Variants in PHF3 observed in about 807,000 individuals in gnomAD.
The protein encoded by PHF3 is PHD finger protein 3.
A neutral mutation model predicts 178.4 loss-of-function variants in PHF3; 41 were observed. The ratio of observed to expected loss-of-function variants is 0.23; its 90% CI spans 0.18 to 0.30. The LOEUF is 0.30. PHF3 is among the 10% of genes least tolerant of loss of function. PHF3 has a pLI of 1.00. For synonymous variants in PHF3, 842 were observed against 800.5 expected, an observed-to-expected ratio of 1.05 and a Z score of -0.88; for missense variants, 2,346 against 2,398.1, an observed-to-expected ratio of 0.98 and a Z score of 0.45.
intron 2 of PHF3, among the ~76,000 whole-genome samples, chr6:63,671,340 A>G (rs1765908152): frequency 6.6e-6 from 1 of 152,234 alleles, no homozygotes; most frequent in African/African-American, 2.4e-5. Context: ...CCTTGCCCTC[A>G]TGGAGCCGGC....
At chr6:63,683,271 A>T (rs1261850016) in intron 3 of PHF3, among the ~76,000 whole-genome samples, 1 of 151,938 alleles carries the variant, frequency 6.6e-6, no homozygotes, top group Non-Finnish European at 1.5e-5. Flanking sequence ...CAGTTCAGTG[A>T]TAAATGACAA....
At chr6:63,664,501 C>T (rs908285975) in intron 2 of PHF3, among the ~76,000 whole-genome samples, 8 of 152,136 alleles carry the variant, frequency 5.3e-5, no homozygotes, top group African/African-American at 1.9e-4. Context: ...TTTGAGTGCA[C>T]ACCAGTATTT....
In PHF3 at chr6:63,713,443, G is replaced by A. The variant is rs753848294; in HGVS notation, c.5855G>A (p.Ser1952Asn). 5 of 1,613,744 alleles carry A rather than the reference G, an allele frequency of 3.1e-6. No individual in the cohort carries two copies. Among genetic ancestry groups the A allele is most frequent in the Non-Finnish European group, 4.2e-6 (5 of 1,179,940 alleles). Residue 1952 changes from serine (S) to asparagine (N), a missense_variant, in exon 16 of 16, where the codon AGC becomes AAC. By Grantham distance (46) the Ser-to-Asn change is conservative (BLOSUM62 1). This residue lies in a region of PHF3 where 839 missense variants were observed against 806.9 expected (regional missense o/e 1.04). Transcript: ENST00000262043. Reference sequence around the variant, plus strand: ...GAAAGGCATAGACGCAGAGACAGAAGCCAAGACAAGGACAGAGACAGAAAA... The same window carrying A: ...GAAAGGCATAGACGCAGAGACAGAAACCAAGACAAGGACAGAGACAGAAAA... ...ESERHRRRDRSQDKDRDRKSR... is the reference protein window; with the variant it reads ...ESERHRRRDRNQDKDRDRKSR...
chr6:63,661,163 G>A (rs910721092), intron 2 of PHF3, among the ~76,000 whole-genome samples: 2 of 152,142 alleles, frequency 1.3e-5, no homozygotes, highest in African/African-American at 4.8e-5. Context: ...ATTCATGGAG[G>A]TTTAGCCATA....
At chr6:63,645,096 C>G (rs1338762388) in intron 1 of PHF3, among the ~76,000 whole-genome samples, 1 of 151,868 alleles carries the variant, frequency 6.6e-6, no homozygotes, top group African/African-American at 2.4e-5. Context: ...GTTGCCTAGG[C>G]TGGTCTCCAA....
chr6:63,648,671 A>G (rs1421890941), intron 2 of PHF3, among the ~76,000 whole-genome samples: 1 of 152,156 alleles, frequency 6.6e-6, no homozygotes, highest in Non-Finnish European at 1.5e-5. Context: ...ATTTTTTGAG[A>G]TACGATTTAT....
chr6:63,639,445 T>A (rs981140049), intron 1 of PHF3, among the ~76,000 whole-genome samples: 9 of 152,318 alleles, frequency 5.9e-5, no homozygotes, highest in African/African-American at 1.9e-4. Context: ...TGTTTTTTTT[T>A]AAATGTGTAG....
intron 2 of PHF3, among the ~76,000 whole-genome samples, chr6:63,647,187 G>A (rs1009076187): frequency 3.9e-5 from 6 of 152,066 alleles, no homozygotes; most frequent in African/African-American, 1.4e-4. Context: ...CCTTAGGCCT[G>A]CTGGAGTCGG....
In PHF3 at chr6:63,703,255, G is replaced by A. The variant is rs560269928; in HGVS notation, c.3232-281G>A. Reference sequence around the variant, plus strand: ...AGAGTGTCATTTGATAGGTGGCATAGCTTTTCTTATTTTCAAAAGTCAGTG... The same window carrying A: ...AGAGTGTCATTTGATAGGTGGCATAACTTTTCTTATTTTCAAAAGTCAGTG... On this transcript the variant is annotated intron_variant, in intron 10 of 15. Coordinates refer to ENST00000262043, the MANE Select transcript of PHF3 (RefSeq NM_001370348.2). 3.9e-5 allele frequency among the ~76,000 whole-genome samples: 6 copies of A among 152,240 alleles called. No homozygotes were observed. The East Asian group carries it at 7.7e-4, about 20-fold the overall frequency.
chr6:63,685,662 T>G lies in PHF3; in HGVS notation c.1940T>G (p.Leu647Arg). 1.9e-6 allele frequency: 3 copies of G among 1,614,030 alleles called. No homozygotes were observed. Among genetic ancestry groups the G allele is most frequent in the Non-Finnish European group, 2.5e-6 (3 of 1,180,004 alleles). The change falls in exon 4 of 16, where the codon CTT becomes CGT. Residue 647 changes from leucine to arginine, a missense_variant. Leu to Arg is a moderately radical substitution (Grantham distance 102, BLOSUM62 -2). Coordinates refer to ENST00000262043, the MANE Select transcript of PHF3 (RefSeq NM_001370348.2). ...MKTNSHVKEE[L>R]EHPGVEHFKE... ...ACCAATAGTCACGTGAAGGAAGAGC[T>G]TGAACACCCAGGCGTTGAGCATTTT...
In PHF3 at chr6:63,716,190, T is replaced by TA. The variant is rs1195374908; in HGVS notation, c.*2483dup. On this transcript the variant is annotated 3_prime_UTR_variant, in exon 16 of 16. Coordinates refer to ENST00000262043, the MANE Select transcript of PHF3 (RefSeq NM_001370348.2). ...GCTTAGAGCTGAGGAAACTGGAACTTAGAGAAGTTGGGAAACTTGGCCAGG... is the reference window on the plus strand; with the variant it reads ...GCTTAGAGCTGAGGAAACTGGAACTTAAGAGAAGTTGGGAAACTTGGCCAGG... Among the ~76,000 whole-genome samples the TA allele has an allele frequency of 3.9e-5, 6 of 152,100 alleles. No homozygotes were observed. The highest frequency in any genetic ancestry group is 8.8e-5 in the Non-Finnish European group (6 of 67,974).
chr6:63,720,947 G>A lies in PHF3; in HGVS notation c.*7239G>A, dbSNP rs1417507821. 2 of 1,551,176 alleles carry A rather than the reference G, an allele frequency of 1.3e-6. No homozygotes were observed. Among genetic ancestry groups the A allele is most frequent in the African/African-American group, 1.4e-5 (1 of 73,026 alleles). The stretch of plus-strand genomic sequence containing the variant: ...CATTGTTATAGCTCATAGGCACAGA[G>A]ATTCTTTCTCCCAAGTTAACTGCTA... On this transcript the variant is annotated 3_prime_UTR_variant, in exon 16 of 16. Coordinates refer to ENST00000262043, the MANE Select transcript of PHF3 (RefSeq NM_001370348.2).
chr6:63,688,888 C>T (rs1456046435), intron 4 of PHF3, among the ~76,000 whole-genome samples: 1 of 152,200 alleles, frequency 6.6e-6, no homozygotes, highest in Non-Finnish European at 1.5e-5. Context: ...CATTTTCTAG[C>T]ATTTGCAACA....
At chr6:63,665,026 G>C (rs1442579320) in intron 2 of PHF3, among the ~76,000 whole-genome samples, 2 of 151,958 alleles carry the variant, frequency 1.3e-5, no homozygotes, top group East Asian at 3.8e-4. Context: ...TACTATATGA[G>C]ATCAAAATTC....
chr6:63,674,302 A>ATATACACACACATATATGTGTATGTGTG (rs1286076253), intron 2 of PHF3, among the ~76,000 whole-genome samples: 1 of 149,702 alleles, frequency 6.7e-6, no homozygotes, highest in African/African-American at 2.4e-5. Flanking sequence ...GTGTGTATAT[A>ATATACACACACATATATGTGTATGTGTG]TACACACACA....
chr6:63,717,823 A>T lies in PHF3; in HGVS notation c.*4115A>T, dbSNP rs998465370. Among the ~76,000 whole-genome samples the T allele has an allele frequency of 2.6e-5, 4 of 152,052 alleles. No homozygotes were observed. The highest frequency in any genetic ancestry group is 9.7e-5 in the African/African-American group (4 of 41,440). Reference sequence around the variant, plus strand: ...TTATTTTAAGATAATTTTGTCCTCAAAGTAATGATTTTTTTCAGGAACTTA... The same window carrying T: ...TTATTTTAAGATAATTTTGTCCTCATAGTAATGATTTTTTTCAGGAACTTA... On this transcript the variant is annotated 3_prime_UTR_variant, in exon 16 of 16. Coordinates refer to ENST00000262043, the MANE Select transcript of PHF3 (RefSeq NM_001370348.2).
rs1407815727 is a variant in PHF3, at chr6:63,721,243, C to T, written c.*7535C>T. On this transcript the variant is annotated 3_prime_UTR_variant, in exon 16 of 16. Transcript: ENST00000262043. ...AGGCAACTGTAAGAAAATGATTGGT[C>T]AGGTATACATAAAGATTGGTGGAGG... is the stretch of plus-strand genomic sequence containing the variant. 9 of 1,551,752 alleles carry T rather than the reference C, an allele frequency of 5.8e-6. No homozygotes were observed. The highest frequency in any genetic ancestry group is 7.8e-6 in the Non-Finnish European group (9 of 1,146,938).
intron 6 of PHF3, among the ~76,000 whole-genome samples, chr6:63,695,877 T>C (rs1472718758): frequency 2.0e-5 from 3 of 152,140 alleles, no homozygotes; most frequent in Non-Finnish European, 4.4e-5. Flanking sequence ...ATTGAAAAAT[T>C]ATGTTTTGGC....
chr6:63,701,962 A>C (rs773214901), intron 9 of PHF3, among the ~76,000 whole-genome samples: 1 of 152,074 alleles, frequency 6.6e-6, no homozygotes, highest in Non-Finnish European at 1.5e-5. Context: ...CTACCTTTAT[A>C]CTACTACTTG....
Sources: allele counts gnomAD v4.1 joint callset (sites outside exome capture counted in the v4.1 genomes callset), GRCh38; gene constraint gnomAD v4.1.1; regional missense constraint gnomAD v4.1.1; transcripts MANE v1.5; gene names NCBI Gene and HGNC (gene_info 2026-07-23, HGNC 2026-07-21).